LIFR: variants seen among roughly 807,000 people sequenced by gnomAD.
LIFR encodes LIF receptor subunit alpha, also known as leukemia inhibitory factor receptor.
In LIFR, 84 loss-of-function variants were observed where a neutral mutation model predicts 122.2. That is an observed-to-expected ratio of 0.69 (90% CI 0.58 to 0.82). The LOEUF (loss-of-function observed/expected upper bound fraction) is 0.82, where lower values mean the gene tolerates loss of function less well. LIFR is among the 40% of genes least tolerant of loss of function. The pLI is 0.00. For missense variants in LIFR, 1,294 were observed against 1,311.6 expected (o/e 0.99, Z 0.21); for synonymous variants, 422 against 434.7 (o/e 0.97, Z 0.36).
intron 11 of LIFR, among the ~76,000 whole-genome samples, chr5:38,500,515 T>C (rs1456433744): frequency 2.0e-5 from 3 of 152,216 alleles, no homozygotes; most frequent in Non-Finnish European, 4.4e-5. Context: ...AATAATTCTG[T>C]GCATGAAACA....
At chr5:38,555,818 C>A (rs1748494732) in intron 1 of LIFR, among the ~76,000 whole-genome samples, 1 of 152,124 alleles carries the variant, frequency 6.6e-6, no homozygotes, top group South Asian at 2.1e-4. Flanking sequence ...CAGCTTTGTG[C>A]TTTTACACAA....
chr5:38,499,183 G>A (rs1561145943), intron 12 of LIFR, among the ~76,000 whole-genome samples: 2 of 151,974 alleles, frequency 1.3e-5, no homozygotes, highest in African/African-American at 4.8e-5. Context: ...CCTATTAATA[G>A]AAAAAAATAT....
At chr5:38,606,320 A>G (rs1376450085) in intron 1 of LIFR, 1 of 152,170 alleles carries the variant, frequency 6.6e-6, no homozygotes, top group East Asian at 1.9e-4. Context: ...TCACATGGAG[A>G]AAGCAGGACA....
intron 1 of LIFR, among the ~76,000 whole-genome samples, chr5:38,546,347 T>A (rs2112633874): frequency 6.6e-6 from 1 of 152,350 alleles, no homozygotes; most frequent in African/African-American, 2.4e-5. Flanking sequence ...AAAGAAATGT[T>A]ACCTACCATA....
chr5:38,512,033 A>G, intron 5 of LIFR, 69 bp from the exon 6 acceptor site: 1 of 1,466,340 alleles, frequency 6.8e-7, no homozygotes, highest in South Asian at 1.2e-5. Flanking sequence ...TTTAGAATTA[A>G]AAGACACAAT....
At chr5:38,541,519 C>G (rs1457924057) in intron 1 of LIFR, among the ~76,000 whole-genome samples, 1 of 152,160 alleles carries the variant, frequency 6.6e-6, no homozygotes, top group Non-Finnish European at 1.5e-5. Flanking sequence ...TAAAGAAATT[C>G]AAGCTGTGTA....
chr5:38,536,676 A>G (rs1747311474), intron 1 of LIFR, among the ~76,000 whole-genome samples: 1 of 152,238 alleles, frequency 6.6e-6, no homozygotes, highest in Admixed American at 6.5e-5. Flanking sequence ...CATAAAGAGA[A>G]CTGTTAGGTA....
At chr5:38,563,309 A>T (rs994732251) in intron 1 of LIFR, among the ~76,000 whole-genome samples, 48 of 152,302 alleles carry the variant, frequency 3.2e-4, no homozygotes, top group African/African-American at 1.2e-3. Context: ...CTTGACCTGG[A>T]CTATACCAAT....
chr5:38,545,628 C>T (rs960664784), intron 1 of LIFR, among the ~76,000 whole-genome samples: 8 of 151,688 alleles, frequency 5.3e-5, no homozygotes, highest in Admixed American at 3.3e-4. Flanking sequence ...TTTGGGAGGC[C>T]GAGGTGGGCG....
Position 38,482,234 on chromosome 5 carries a change from A to G in LIFR, c.2671-16T>C. On this transcript the variant is annotated splice_polypyrimidine_tract_variant and intron_variant, in intron 19 of 19. Coordinates refer to ENST00000453190, the MANE Select transcript of LIFR (RefSeq NM_001127671.2). ...CACTGCTTCCCTAGAAATAAATTTAAACACAGTGATTAAAAATAGCACTAA... is the reference window on the plus strand; with the variant it reads ...CACTGCTTCCCTAGAAATAAATTTAGACACAGTGATTAAAAATAGCACTAA... 1 of 1,601,112 alleles carries G rather than the reference A, an allele frequency of 6.2e-7. No individual in the cohort carries two copies. Among genetic ancestry groups the G allele is most frequent in the South Asian group, 1.1e-5 (1 of 88,490 alleles).
At chr5:38,593,472 A>C (rs1470442061) in intron 1 of LIFR, among the ~76,000 whole-genome samples, 1 of 152,214 alleles carries the variant, frequency 6.6e-6, no homozygotes, top group Non-Finnish European at 1.5e-5. Flanking sequence ...AGCCACATGC[A>C]GCTAGTGGCT....
chr5:38,506,498 A>G lies in LIFR; in HGVS notation c.1121+5T>C, dbSNP rs563457399. ...CATCTGACATCTTTTCCCAGTTATC[A>G]TTACCTTTCAACTAAAGTGTAGCTT... On this transcript the variant is annotated splice_donor_5th_base_variant and intron_variant, in intron 8 of 19. Coordinates refer to ENST00000453190, the MANE Select transcript of LIFR (RefSeq NM_001127671.2). 1.2e-6 allele frequency: 2 copies of G among 1,614,046 alleles called. No homozygotes were observed. The highest frequency in any genetic ancestry group is 2.2e-5 in the East Asian group (1 of 44,858).
At chr5:38,524,396 T>C (rs983886499) in intron 4 of LIFR, among the ~76,000 whole-genome samples, 3 of 152,028 alleles carry the variant, frequency 2.0e-5, no homozygotes, top group Non-Finnish European at 4.4e-5. Context: ...CTGCGGGGGA[T>C]TGAGACAGGG....
chr5:38,496,519 G>C lies in LIFR; in HGVS notation c.1748C>G (p.Ser583Cys), dbSNP rs193221561. Residue 583 changes from serine (S) to cysteine (C), a missense_variant, in exon 13 of 20, where the codon TCC (serine) becomes TGC (cysteine). Physicochemically the swap from Ser to Cys is moderately radical, Grantham distance 112. Coordinates refer to ENST00000453190, the MANE Select transcript of LIFR (RefSeq NM_001127671.2). Reference protein sequence around the residue: ...VSCSSDEETQSLSEIPDPQHK... With the variant: ...VSCSSDEETQCLSEIPDPQHK... The stretch of plus-strand genomic sequence containing the variant: ...CTGAGGATCAGGGATTTCAGAAAGG[G>C]ACTGTGTTTCCTCATCTGATGAACA... 36 of 1,613,722 alleles carry C rather than the reference G, an allele frequency of 2.2e-5. No homozygotes were observed. Among genetic ancestry groups the C allele is most frequent in the Non-Finnish European group, 3.0e-5 (35 of 1,179,716 alleles).
At position 38,556,459 on chromosome 5, in the gene LIFR, A is replaced by G. The variant is rs1417732994; in HGVS notation, c.-145T>C. ...GGAGCCGCCAAGGAGGGGGCCGGGC[A>G]CAATGCGCCGCCGCCTCCGCAGCCG... On this transcript the variant is annotated 5_prime_UTR_variant, in exon 1 of 20. Transcript: ENST00000453190. 2 of 151,570 alleles carry G rather than the reference A, an allele frequency of 1.3e-5. No homozygotes were observed. Among genetic ancestry groups the G allele is most frequent in the Non-Finnish European group, 2.9e-5 (2 of 68,068 alleles). The allele number at this position is 151,570 out of a possible 1,614,324, so 9.4% of individuals were successfully genotyped here.
intron 1 of LIFR, among the ~76,000 whole-genome samples, chr5:38,537,394 T>C (rs981572541): frequency 6.6e-6 from 1 of 152,178 alleles, no homozygotes; most frequent in Non-Finnish European, 1.5e-5. Context: ...GCTATCATAC[T>C]TTAGAGTAAC....
intron 1 of LIFR, among the ~76,000 whole-genome samples, chr5:38,538,318 G>A (rs1056063283): frequency 6.6e-6 from 1 of 152,158 alleles, no homozygotes; most frequent in African/African-American, 2.4e-5. Flanking sequence ...TCACTTGTAT[G>A]CTAATTACTT....
At chr5:38,600,982 G>A (rs1323076279) in intron 2 of LIFR, among the ~76,000 whole-genome samples, 1 of 152,130 alleles carries the variant, frequency 6.6e-6, no homozygotes, top group African/African-American at 2.4e-5. Flanking sequence ...GACACACAGG[G>A]GTAACACTGA....
chr5:38,484,192 C>T (rs936103855), intron 18 of LIFR, among the ~76,000 whole-genome samples: 4 of 152,224 alleles, frequency 2.6e-5, no homozygotes, highest in Non-Finnish European at 5.9e-5. Flanking sequence ...AGGACGTAGC[C>T]CCCTGCTGGT....
Sources: gnomAD v4.1 joint callset for allele counts (sites outside exome capture counted in the v4.1 genomes callset) on GRCh38, gnomAD v4.1.1 for gene constraint, MANE v1.5 for transcripts, NCBI Gene and HGNC (gene_info 2026-07-23, HGNC 2026-07-21) for gene names.